The following CSMD1 variants were observed in gnomAD, a reference collection of about 807,000 sequenced individuals.
CSMD1 encodes the protein CUB and sushi domain-containing protein 1.
A neutral mutation model predicts 417.5 loss-of-function variants in CSMD1; 213 were observed. The ratio of observed to expected loss-of-function variants is 0.51; its 90% CI spans 0.46 to 0.57. The LOEUF is 0.57. CSMD1 is among the 20% of genes least tolerant of loss of function. The probability of loss-of-function intolerance (pLI) is 0.00; values close to 1 mark genes in which losing one functional copy is unlikely to be tolerated. For missense variants in CSMD1, 6,923 were observed against 4,529.7 expected (o/e 1.53, Z -15.17); for synonymous variants, 2,862 against 1,736.8 (o/e 1.65, Z -16.11).
intron 3 of CSMD1, among the ~76,000 whole-genome samples, chr8:4,229,867 C>T (rs1801605205): frequency 6.6e-6 from 1 of 152,118 alleles, no homozygotes; most frequent in Admixed American, 6.5e-5. Context: ...TGTGTTCTGC[C>T]CCAGTGTTGA....
At chr8:3,396,511 T>C (rs547767180) in intron 16 of CSMD1, 130 bp from the exon 17 acceptor site, 6 of 629,480 alleles carry the variant, frequency 9.5e-6, no homozygotes, top group African/African-American at 1.9e-5. Context: ...AAATTACATA[T>C]GCTTAAAACT....
chr8:4,450,134 T>G (rs576598215), intron 2 of CSMD1, among the ~76,000 whole-genome samples: 13 of 152,250 alleles, frequency 8.5e-5, no homozygotes, highest in African/African-American at 3.1e-4. Context: ...GTCCATTGTT[T>G]TCCAAATTAC....
At chr8:4,596,120 T>C (rs951678017) in intron 2 of CSMD1, among the ~76,000 whole-genome samples, 2 of 152,156 alleles carry the variant, frequency 1.3e-5, no homozygotes, top group Admixed American at 6.5e-5. Context: ...ATAATGAATG[T>C]AGTTCCAGTA....
At chr8:3,308,709 T>A (rs1189759647) in intron 23 of CSMD1, among the ~76,000 whole-genome samples, 3 of 151,650 alleles carry the variant, frequency 2.0e-5, no homozygotes, top group Non-Finnish European at 2.9e-5. Context: ...TCGGTCATCT[T>A]ATTTGTTCCT....
rs1044913431 is a variant in CSMD1, at chr8:3,167,240, G to A, written c.5726-4963C>T. On this transcript the variant is annotated intron_variant, in intron 37 of 69. Coordinates refer to ENST00000635120, the MANE Select transcript of CSMD1 (RefSeq NM_033225.6). ...GCGGAGGTTGCAGTGAGCCGAGATCGCACACTGCACTCCAGCCTGAGTGAC... is the reference window on the plus strand; with the variant it reads ...GCGGAGGTTGCAGTGAGCCGAGATCACACACTGCACTCCAGCCTGAGTGAC... 4.2e-5 allele frequency among the ~76,000 whole-genome samples: 6 copies of A among 143,736 alleles called. No individual in the cohort carries two copies. In the East Asian group the frequency reaches 1.1e-3, roughly 26 times the overall value. The allele number at this position is 143,736 out of a possible 152,430, so 94.3% of individuals were successfully genotyped here.
chr8:4,634,455 A>T (rs776863257), intron 2 of CSMD1, among the ~76,000 whole-genome samples: 2 of 152,164 alleles, frequency 1.3e-5, no homozygotes, highest in Non-Finnish European at 2.9e-5. Flanking sequence ...TAACAGAAAA[A>T]CTGTTTTGGT....
chr8:4,373,433 T>C (rs751650417), intron 3 of CSMD1, among the ~76,000 whole-genome samples: 1 of 151,944 alleles, frequency 6.6e-6, no homozygotes, highest in African/African-American at 2.4e-5. Context: ...GAGTGTGGAG[T>C]ATTTGAAAAC....
chr8:3,610,313 G>C (rs369026350), intron 8 of CSMD1, among the ~76,000 whole-genome samples: 15 of 152,274 alleles, frequency 9.9e-5, no homozygotes, highest in East Asian at 3.9e-4. Context: ...AGGGAGGACT[G>C]CTTGAGGCCA....
chr8:3,745,409 G>A (rs1797019526), intron 6 of CSMD1, among the ~76,000 whole-genome samples: 1 of 152,188 alleles, frequency 6.6e-6, no homozygotes, highest in Non-Finnish European at 1.5e-5. Flanking sequence ...CTTCAAAATT[G>A]CTCTGACAAA....
rs574769902 is a variant in CSMD1 at position 3,568,875 on chromosome 8, C to T, written c.1344+6070G>A. On this transcript the variant is annotated intron_variant, in intron 10 of 69. Transcript: ENST00000635120. ...ATTATTCAGTAGAAGGTAGGTCCTT[C>T]ATGATACATTTAAACTTTCCAATGA... 2.6e-5 allele frequency among the ~76,000 whole-genome samples: 4 copies of T among 152,200 alleles called. No individual in the cohort carries two copies. In the South Asian group the frequency reaches 8.3e-4, roughly 32 times the overall value.
intron 1 of CSMD1, among the ~76,000 whole-genome samples, chr8:4,863,805 G>C (rs1185285965): frequency 6.6e-6 from 1 of 151,896 alleles, no homozygotes; most frequent in African/African-American, 2.4e-5. Flanking sequence ...CATTTGAATA[G>C]AACATGAAAA....
intron 6 of CSMD1, among the ~76,000 whole-genome samples, chr8:3,750,107 T>C (rs561365944): frequency 1.5e-3 from 232 of 152,266 alleles, no homozygotes; most frequent in African/African-American, 5.1e-3. Flanking sequence ...TGGGGAGGCA[T>C]TGAATATGAG....
At chr8:4,307,342 G>T (rs1798305004) in intron 3 of CSMD1, among the ~76,000 whole-genome samples, 1 of 152,120 alleles carries the variant, frequency 6.6e-6, no homozygotes, top group South Asian at 2.1e-4. Context: ...GGCTGAAAAT[G>T]AGTCAGAGCA....
Position 3,087,145 on chromosome 8 carries a change from T to G in CSMD1, c.7426A>C (p.Asn2476His), listed in dbSNP as rs781280221. Residue 2476 changes from asparagine (N) to histidine (H), a missense_variant, in exon 49 of 70, where the codon AAC becomes CAC. Coordinates refer to ENST00000635120, the MANE Select transcript of CSMD1 (RefSeq NM_033225.6). ...TCCCACTGGTACATGCCAAGTGGGT[T>G]TCGTCTACAGGTTGCATTGCTGTGG... is the stretch of plus-strand genomic sequence containing the variant. ...VGHSNATCRRNPLGMYQWDSL... is the reference protein window; with the variant it reads ...VGHSNATCRRHPLGMYQWDSL... 2.5e-6 allele frequency: 4 copies of G among 1,613,720 alleles called. No homozygotes were observed. Among genetic ancestry groups the G allele is most frequent in the Middle Eastern group, 1.7e-4 (1 of 5,944 alleles).
intron 7 of CSMD1, among the ~76,000 whole-genome samples, chr8:3,675,026 G>C (rs1186137507): frequency 6.6e-6 from 1 of 152,142 alleles, no homozygotes; most frequent in South Asian, 2.1e-4. Context: ...GTGATGCAGG[G>C]ATTTAGGTGG....
intron 5 of CSMD1, among the ~76,000 whole-genome samples, chr8:3,861,337 G>C (rs539912482): frequency 1.1e-3 from 168 of 152,300 alleles, no homozygotes; most frequent in African/African-American, 3.9e-3. Flanking sequence ...TAACTGCCGG[G>C]CTCCACAACT....
intron 2 of CSMD1, among the ~76,000 whole-genome samples, chr8:4,578,554 T>C (rs143483985): frequency 2.3e-4 from 35 of 151,686 alleles, no homozygotes; most frequent in South Asian, 6.3e-4. Flanking sequence ...CAATGCTTCA[T>C]GCCTGTAATC....
At chr8:4,301,971 C>G (rs1466336358) in intron 3 of CSMD1, among the ~76,000 whole-genome samples, 1 of 152,190 alleles carries the variant, frequency 6.6e-6, no homozygotes, top group Non-Finnish European at 1.5e-5. Flanking sequence ...GTGCCTCAAA[C>G]TAGATCCTGT....
chr8:3,146,271 C>A (rs545231351), intron 40 of CSMD1, among the ~76,000 whole-genome samples: 1 of 151,790 alleles, frequency 6.6e-6, no homozygotes, highest in African/African-American at 2.4e-5. Flanking sequence ...AAACGGAGAC[C>A]GAAATCCTGA....
Sources: allele counts gnomAD v4.1 joint callset (sites outside exome capture counted in the v4.1 genomes callset), GRCh38; gene constraint gnomAD v4.1.1; transcripts MANE v1.5; gene names NCBI Gene and HGNC (gene_info 2026-07-23, HGNC 2026-07-21).